Variants in WNT5B observed in about 807,000 individuals in gnomAD.
The protein encoded by WNT5B is Wnt family member 5B, also known as protein Wnt-5b.
In WNT5B, 18 loss-of-function variants were observed where a neutral mutation model predicts 36.5. The observed-to-expected ratio is 0.49, with a 90% CI of 0.34 to 0.73. WNT5B has a LOEUF of 0.73. Ranked by LOEUF, WNT5B falls within the 30% of genes least tolerant of loss-of-function variation. The pLI is 0.01. For synonymous variants in WNT5B, 213 were observed against 212.3 expected (o/e 1.00, Z -0.03); for missense variants, 424 against 508.4 (o/e 0.83, Z 1.60).
chr12:1,618,778 C>T lies in WNT5B; in HGVS notation c.-58+1635C>T, dbSNP rs147688656. Among the ~76,000 whole-genome samples, 300 of 152,184 alleles carry T rather than the reference C, an allele frequency of 2.0e-3. 1 individual carries two copies. Among genetic ancestry groups the T allele is most frequent in the Middle Eastern group, 3.4e-3 (1 of 294 alleles). ...GCCATTTCTGGGAATTGTACAGGGA[C>T]CCAGAGTCTTAGGGATCTGCTCTGC... On this transcript the variant is annotated intron_variant, in intron 1 of 4. Coordinates refer to the WNT5B transcript ENST00000310594. The surrounding 1 kb of genome is among the most constrained non-coding windows in gnomAD (Gnocchi z 4.1).
intron 4 of WNT5B, among the ~76,000 whole-genome samples, chr12:1,642,610 C>T (rs1419951198): frequency 6.6e-6 from 1 of 152,160 alleles, no homozygotes; most frequent in African/African-American, 2.4e-5. Context: ...CTGCTTGTGG[C>T]TCTGCTGAGC....
chr12:1,621,275 T>C (rs1197580051), intron 1 of WNT5B, among the ~76,000 whole-genome samples: 1 of 152,050 alleles, frequency 6.6e-6, no homozygotes, highest in Non-Finnish European at 1.5e-5. Flanking sequence ...CAGGCCTGGA[T>C]ACAGGAAGAG....
intron 3 of WNT5B, among the ~76,000 whole-genome samples, chr12:1,635,129 C>G (rs1412111911): frequency 6.6e-6 from 1 of 152,208 alleles, no homozygotes; most frequent in Non-Finnish European, 1.5e-5. Flanking sequence ...CCCGTGAAGG[C>G]AGAGCTGCCC....
rs967855857 is a variant in WNT5B at position 1,633,653 on chromosome 12, C to G, written c.328+748C>G. ...TGGCAAGAAATTGAGAAATCCGGCC[C>G]TATTCTACTGGGTCTTATCCCCAGG... On this transcript the variant is annotated intron_variant, in intron 3 of 4. Coordinates refer to ENST00000397196, the MANE Select transcript of WNT5B (RefSeq NM_032642.3). This position sits in a 1 kb window ranked among gnomAD's most constrained non-coding sequence, Gnocchi z 4.8. Among the ~76,000 whole-genome samples, 1 of 152,150 alleles carries G rather than the reference C, an allele frequency of 6.6e-6. No individual in the cohort carries two copies. Among genetic ancestry groups the G allele is most frequent in the Non-Finnish European group, 1.5e-5 (1 of 68,020 alleles).
chr12:1,634,090 G>A (rs773492568), intron 3 of WNT5B, among the ~76,000 whole-genome samples: 15 of 152,242 alleles, frequency 9.9e-5, no homozygotes, highest in Non-Finnish European at 1.8e-4. Context: ...TTAAAGATGG[G>A]AAAAGTACAC....
In WNT5B at chr12:1,646,976, C is replaced by G. The variant is rs2094586856; in HGVS notation, c.*724C>G. The G allele has an allele frequency of 6.6e-6, 1 of 152,236 alleles. No homozygotes were observed. Among genetic ancestry groups the G allele is most frequent in the Admixed American group, 6.5e-5 (1 of 15,280 alleles). 9.4% of individuals were successfully genotyped at this position (152,236 alleles called of 1,614,324 possible). A position where few individuals can be genotyped will look rare whatever the true frequency, so the allele number is the denominator to read the frequency against. On this transcript the variant is annotated 3_prime_UTR_variant, in exon 5 of 5. Transcript: ENST00000397196. ...CCTGACATGTCAGGAAAGCCCTAAA[C>G]TGAATGTTTGCGCCTGGGCTGCAGA...
rs2094529483 is a variant in WNT5B, at chr12:1,618,212, T to C, written c.-58+1069T>C. Reference sequence around the variant, plus strand: ...TTAAAAGTTGCATGGTTTCCCCAGGTCCTTTAAAAATACGCTCCATTTTGC... The same window carrying C: ...TTAAAAGTTGCATGGTTTCCCCAGGCCCTTTAAAAATACGCTCCATTTTGC... On this transcript the variant is annotated intron_variant, in intron 1 of 4. Transcript: ENST00000310594. The surrounding 1 kb of genome is among the most constrained non-coding windows in gnomAD (Gnocchi z 4.1). 6.6e-6 allele frequency among the ~76,000 whole-genome samples: 1 copy of C among 152,140 alleles called. No homozygotes were observed. The highest frequency in any genetic ancestry group is 1.5e-5 in the Non-Finnish European group (1 of 68,038).
At chr12:1,622,581 G>A (rs904493300) in intron 1 of WNT5B, among the ~76,000 whole-genome samples, 1 of 152,216 alleles carries the variant, frequency 6.6e-6, no homozygotes, top group Non-Finnish European at 1.5e-5. Flanking sequence ...AAGTTGTATG[G>A]AAGTCGAAGG....
intron 1 of WNT5B, among the ~76,000 whole-genome samples, chr12:1,620,571 G>A (rs2094532361): frequency 6.6e-6 from 1 of 151,350 alleles, no homozygotes; most frequent in African/African-American, 2.4e-5. Context: ...TGGAGTCTCA[G>A]TTTGTCACAC....
At chr12:1,624,078 G>A (rs1488852404) in intron 1 of WNT5B, among the ~76,000 whole-genome samples, 22 of 152,146 alleles carry the variant, frequency 1.4e-4, no homozygotes, top group Admixed American at 1.4e-3. Context: ...TAGTAACAGG[G>A]CAATGGTGCA....
rs2094586571 is a variant in WNT5B, at chr12:1,646,845, C to T, written c.*593C>T. The T allele has an allele frequency of 1.3e-5, 2 of 152,182 alleles. No individual in the cohort carries two copies. The highest frequency in any genetic ancestry group is 4.2e-4 in the South Asian group (2 of 4,816). The allele number at this position is 152,182 out of a possible 1,614,324, so 9.4% of individuals were successfully genotyped here. On this transcript the variant is annotated 3_prime_UTR_variant, in exon 5 of 5. Transcript: ENST00000397196. Reference sequence around the variant, plus strand: ...AAGGTCATCTCTGGCCCAGTGACCACAGAGAGATCTGCACCTCCCGGACTT... The same window carrying T: ...AAGGTCATCTCTGGCCCAGTGACCATAGAGAGATCTGCACCTCCCGGACTT...
chr12:1,641,676 C>T (rs759211595), intron 4 of WNT5B, among the ~76,000 whole-genome samples: 1 of 151,750 alleles, frequency 6.6e-6, no homozygotes, highest in East Asian at 1.9e-4. Flanking sequence ...TGGTGGCACA[C>T]GCTTGTAATC....
chr12:1,635,020 G>A (rs2094558089), intron 3 of WNT5B, among the ~76,000 whole-genome samples: 1 of 152,116 alleles, frequency 6.6e-6, no homozygotes, highest in African/African-American at 2.4e-5. Flanking sequence ...AAACCCCCAC[G>A]TTGCTTATCC....
At chr12:1,617,965 C>A (rs972304683) in intron 1 of WNT5B, among the ~76,000 whole-genome samples, 9 of 152,022 alleles carry the variant, frequency 5.9e-5, no homozygotes, top group Non-Finnish European at 1.5e-5. Context: ...ATAGGGAGAC[C>A]CCCATCTCCA....
intron 1 of WNT5B, among the ~76,000 whole-genome samples, chr12:1,622,789 A>G (rs1274938120): frequency 6.6e-6 from 1 of 152,236 alleles, no homozygotes; most frequent in East Asian, 1.9e-4. Flanking sequence ...GACAGAAACA[A>G]AAGCACAACA....
rs1289659667 is a variant in WNT5B at position 1,646,680 on chromosome 12, AC to A, written c.*430del. ...TGAAGGTGGCGGGAACTCAGCTTCA[AC>A]CTCGATGTCTTCAGGGTCTTGTCCA... On this transcript the variant is annotated 3_prime_UTR_variant, in exon 5 of 5. Transcript: ENST00000397196. The A allele has an allele frequency of 1.9e-5, 3 of 154,244 alleles. No individual in the cohort carries two copies. The highest frequency in any genetic ancestry group is 4.8e-5 in the African/African-American group (2 of 41,428). 9.6% of individuals were successfully genotyped at this position (154,244 alleles called of 1,614,324 possible).
In WNT5B at chr12:1,633,466, G is replaced by T. The variant is rs780433207; in HGVS notation, c.328+561G>T. On this transcript the variant is annotated intron_variant, in intron 3 of 4. Coordinates refer to ENST00000397196, the MANE Select transcript of WNT5B (RefSeq NM_032642.3). The surrounding 1 kb of genome is among the most constrained non-coding windows in gnomAD (Gnocchi z 4.8). The stretch of plus-strand genomic sequence containing the variant: ...GTGAACATGGGGGAAGGGGTCAGAC[G>T]AAAGAAAAGATGAGAGGGAGAGGGC... 1.3e-4 allele frequency among the ~76,000 whole-genome samples: 20 copies of T among 152,154 alleles called. No individual in the cohort carries two copies. The highest frequency in any genetic ancestry group is 2.6e-4 in the Non-Finnish European group (18 of 68,028).
At chr12:1,638,696 C>T (rs1267280046) in intron 3 of WNT5B, among the ~76,000 whole-genome samples, 4 of 152,092 alleles carry the variant, frequency 2.6e-5, no homozygotes, top group Non-Finnish European at 4.4e-5. Flanking sequence ...TTAGAGGGAC[C>T]GTGATGAGTG....
At position 1,639,778 on chromosome 12, in the gene WNT5B, C is replaced by T; in HGVS notation, c.423C>T (p.Cys141=). 1.2e-6 allele frequency: 2 copies of T among 1,609,848 alleles called. No individual in the cohort carries two copies. The highest frequency in any genetic ancestry group is 2.2e-5 in the East Asian group (1 of 44,748). Residue 141 remains cysteine (C), a synonymous_variant, in exon 4 of 5, where the codon TGC becomes TGT. Coordinates refer to ENST00000397196, the MANE Select transcript of WNT5B (RefSeq NM_032642.3). ...RACREGELST[C]GCSRTARPKD... is the part of the protein sequence containing the mutation. ...GCCGCGAGGGCGAGCTCTCCACCTGCGGCTGCAGCCGGACGGCGCGGCCCA... is the reference window on the plus strand; with the variant it reads ...GCCGCGAGGGCGAGCTCTCCACCTGTGGCTGCAGCCGGACGGCGCGGCCCA...
Sources: gnomAD v4.1 joint callset for allele counts (sites outside exome capture counted in the v4.1 genomes callset) on GRCh38, gnomAD v4.1.1 for gene constraint, Gnocchi (gnomAD v3.1) non-coding constraint, MANE v1.5 for transcripts, NCBI Gene and HGNC (gene_info 2026-07-23, HGNC 2026-07-21) for gene names.